Variants in PIR observed in about 807,000 individuals in gnomAD.
The protein encoded by PIR is pirin (iron-binding nuclear protein).
Under a neutral mutation model 24.2 loss-of-function variants are expected in PIR, and 22 were observed. That is an observed-to-expected ratio of 0.91 (90% CI 0.65 to 1.30). The LOEUF is 1.30. Among genes scored for constraint, PIR ranks in the 50% most tolerant of loss-of-function variants. The probability of loss-of-function intolerance (pLI) is 0.00; values close to 1 mark genes in which losing one functional copy is unlikely to be tolerated. For missense variants in PIR, 220 were observed against 220.3 expected (o/e 1.00, Z 0.01); for synonymous variants, 80 against 79.6 (o/e 1.00, Z -0.03).
At chrX:15,419,961 C>T (rs374252114) in intron 6 of PIR, among the ~76,000 whole-genome samples, 1 of 109,000 alleles carries the variant, frequency 9.2e-6, no homozygotes, top group East Asian at 2.9e-4. Context: ...CTTTGGGAGG[C>T]CGAGGTGGGC....
rs775988646 is a variant in PIR, at chrX:15,432,736, A to T, written c.481-6746T>A. 4.8e-4 allele frequency among the ~76,000 whole-genome samples: 54 copies of T among 112,522 alleles called. No individual in the cohort carries two copies. In the East Asian group the frequency reaches 5.5e-3, roughly 12 times the overall value. Reference sequence around the variant, plus strand: ...CAGATCCAATTTTCATCTTAAAGAGATGTCTTAAGCTACTATATAAAGAAC... The same window carrying T: ...CAGATCCAATTTTCATCTTAAAGAGTTGTCTTAAGCTACTATATAAAGAAC... On this transcript the variant is annotated intron_variant, in intron 5 of 9. Transcript: ENST00000380420.
At chrX:15,490,732 G>A (rs1034272797) in intron 2 of PIR, among the ~76,000 whole-genome samples, 15 of 112,007 alleles carry the variant, frequency 1.3e-4, no homozygotes, top group Admixed American at 2.8e-4. Flanking sequence ...GCCAGCAGTG[G>A]AGGCCTGATC....
At chrX:15,413,339 T>C (rs1038621593) in intron 6 of PIR, among the ~76,000 whole-genome samples, 1 of 111,727 alleles carries the variant, frequency 9.0e-6, no homozygotes, top group African/African-American at 3.3e-5. Context: ...TCTCTTCGAC[T>C]GCGGAGCAAA....
At position 15,427,463 on chromosome X, in the gene PIR, T is replaced by G. The variant is rs777169523; in HGVS notation, c.481-1473A>C. The stretch of plus-strand genomic sequence containing the variant: ...TTATTTACTCTCCTTGATGAAGGCA[T>G]AATTTTGTGGAGAATAATGATGCAA... On this transcript the variant is annotated intron_variant, in intron 5 of 9. Transcript: ENST00000380420. Among the ~76,000 whole-genome samples, 8 of 110,899 alleles carry G rather than the reference T, an allele frequency of 7.2e-5. No homozygotes were observed. In the East Asian group the frequency reaches 2.2e-3, roughly 31 times the overall value.
chrX:15,412,361 T>C (rs763308525), intron 6 of PIR, among the ~76,000 whole-genome samples: 2 of 112,337 alleles, frequency 1.8e-5, no homozygotes, highest in African/African-American at 6.5e-5. Flanking sequence ...TTAGACTGAA[T>C]TGTTTGCTAA....
At chrX:15,436,516 T>C (rs968001157) in intron 5 of PIR, among the ~76,000 whole-genome samples, 3 of 111,979 alleles carry the variant, frequency 2.7e-5, no homozygotes, top group African/African-American at 6.5e-5. Flanking sequence ...CCATGTCTTA[T>C]ATAAATAATC....
intron 4 of PIR, among the ~76,000 whole-genome samples, chrX:15,458,801 A>G (rs1214727254): frequency 8.9e-6 from 1 of 112,693 alleles, no homozygotes; most frequent in East Asian, 2.8e-4. Context: ...AGGCAGCTCC[A>G]TGGTGCAGAT....
chrX:15,490,302 A>G (rs749795811), intron 2 of PIR, among the ~76,000 whole-genome samples: 1 of 112,167 alleles, frequency 8.9e-6, no homozygotes, highest in East Asian at 2.8e-4. Flanking sequence ...TCAAAGATTA[A>G]AAAGTTGAGA....
chrX:15,486,042 C>T (rs1350587717), intron 2 of PIR, among the ~76,000 whole-genome samples: 5 of 110,008 alleles, frequency 4.5e-5, no homozygotes, highest in African/African-American at 1.7e-4. Flanking sequence ...AGCTTCCAAT[C>T]TACTTCTTTT....
intron 7 of PIR, among the ~76,000 whole-genome samples, chrX:15,398,450 G>C (rs1924253335): frequency 9.0e-6 from 1 of 111,026 alleles, no homozygotes; most frequent in South Asian, 3.8e-4. Context: ...TTGTGGAGGA[G>C]GTAAGACTTG....
Position 15,479,720 on chromosome X carries a change from T to C in PIR, c.189+9A>G, listed in dbSNP as rs1415303025. The C allele has an allele frequency of 1.0e-6, 1 of 995,722 alleles. No individual in the cohort carries two copies. Among genetic ancestry groups the C allele is most frequent in the Admixed American group, 2.4e-5 (1 of 41,732 alleles). The allele number at this position is 995,722 out of a possible 1,213,427, so 82.1% of individuals were successfully genotyped here. ...ATACACACTTCTGCAGTCAAATTAT[T>C]GTACTTACTGTTTCAAAACCTCGAT... On this transcript the variant is annotated intron_variant, in intron 3 of 9. Transcript: ENST00000380420.
chrX:15,420,337 T>G lies in PIR; in HGVS notation c.565+5569A>C, dbSNP rs186045174. Among the ~76,000 whole-genome samples the G allele has an allele frequency of 5.4e-5, 6 of 111,821 alleles. No homozygotes were observed. The East Asian group carries it at 1.7e-3, about 31-fold the overall frequency. On this transcript the variant is annotated intron_variant, in intron 6 of 9. Coordinates refer to ENST00000380420, the MANE Select transcript of PIR (RefSeq NM_001018109.3). ...ATACGTTCTCTCTCAGGAGGCAATA[T>G]AAGGTGATGTCTGAGAGCAGAGCAA...
intron 1 of PIR, 21 bp from the exon 2 acceptor site, chrX:15,491,330 A>G: frequency 1.5e-6 from 1 of 660,662 alleles, no homozygotes; most frequent in Non-Finnish European, 2.3e-6. Flanking sequence ...GACAACAAAA[A>G]AAAAAGAAGT....
At chrX:15,453,878 ATTTCTC>A (rs1920994300) in intron 5 of PIR, among the ~76,000 whole-genome samples, 1 of 111,661 alleles carries the variant, frequency 9.0e-6, no homozygotes, top group Non-Finnish European at 1.9e-5. Context: ...CACTGGTCTG[ATTTCTC>A]TTTTGAACTG....
chrX:15,400,763 T>A (rs867756898), intron 7 of PIR, among the ~76,000 whole-genome samples: 1 of 27,856 alleles, frequency 3.6e-5, no homozygotes, highest in Admixed American at 2.9e-4. Context: ...TTATTTATTT[T>A]TGAGATGGAG....
intron 5 of PIR, among the ~76,000 whole-genome samples, chrX:15,427,963 T>C (rs1445410981): frequency 9.0e-6 from 1 of 111,450 alleles, no homozygotes; most frequent in Non-Finnish European, 1.9e-5. Flanking sequence ...ATATTGTCTG[T>C]ACATTAAATT....
chrX:15,394,490 T>C (rs1454478639), intron 8 of PIR, among the ~76,000 whole-genome samples: 2 of 112,056 alleles, frequency 1.8e-5, no homozygotes, highest in Non-Finnish European at 3.8e-5. Context: ...CAGTGAGGTA[T>C]TGATTGTCTT....
chrX:15,473,375 G>A (rs187497856), intron 3 of PIR, among the ~76,000 whole-genome samples: 2 of 110,761 alleles, frequency 1.8e-5, no homozygotes, highest in African/African-American at 3.3e-5. Flanking sequence ...TAGTTGTGGA[G>A]GTTAAAAAAA....
chrX:15,433,651 G>A (rs1196900426), intron 5 of PIR, among the ~76,000 whole-genome samples: 1 of 95,594 alleles, frequency 1.0e-5, no homozygotes, highest in Non-Finnish European at 2.1e-5. Context: ...GGAGGAAGAA[G>A]AGGAAGGAGA....
Sources: allele counts gnomAD v4.1 joint callset (sites outside exome capture counted in the v4.1 genomes callset), GRCh38; gene constraint gnomAD v4.1.1; transcripts MANE v1.5; gene names NCBI Gene and HGNC (gene_info 2026-07-23, HGNC 2026-07-21).